Variants in BPTF observed in about 807,000 individuals in gnomAD.
The protein encoded by BPTF is bromodomain PHD finger transcription factor.
In BPTF, 18 loss-of-function variants were observed where a neutral mutation model predicts 292.5. That is an observed-to-expected ratio of 0.06 (90% CI 0.04 to 0.09). The LOEUF is 0.09. Among genes scored for constraint, BPTF ranks in the 10% least tolerant of loss-of-function variants. The pLI, the probability that BPTF is intolerant of heterozygous loss-of-function variation, is 1.00. For missense variants in BPTF, 2,726 were observed against 3,498.7 expected, an observed-to-expected ratio of 0.78 and a Z score of 5.57; for synonymous variants, 1,225 against 1,251.9, an observed-to-expected ratio of 0.98 and a Z score of 0.45.
chr17:67,888,923 G>A (rs938572943), intron 4 of BPTF, among the ~76,000 whole-genome samples: 1 of 152,138 alleles, frequency 6.6e-6, no homozygotes, highest in African/African-American at 2.4e-5. Context: ...GGTTTTTTCT[G>A]ACAGTAGCAC....
At position 67,912,633 on chromosome 17, in the gene BPTF, C is replaced by G. The variant is rs202094354; in HGVS notation, c.4749C>G (p.Thr1583=). 3.1e-6 allele frequency: 5 copies of G among 1,612,972 alleles called. 1 individual carries two copies. Among genetic ancestry groups the G allele is most frequent in the Non-Finnish European group, 4.2e-6 (5 of 1,179,834 alleles). ...TCAATGGAGAATCTAAAAGAAAAAC[C>G]GTCATCACAGAAGTCACCACGATGA... ...ENVNGESKRK[T]VITEVTTMTS... The change falls in exon 11 of 28, where the codon ACC becomes ACG. Residue 1583 remains threonine (T), a synonymous_variant. Coordinates refer to ENST00000306378, the MANE Select transcript of BPTF (RefSeq NM_182641.4).
intron 13 of BPTF, among the ~76,000 whole-genome samples, chr17:67,921,244 G>T (rs1162831969): frequency 6.7e-6 from 1 of 148,184 alleles, no homozygotes; most frequent in Non-Finnish European, 1.5e-5. Flanking sequence ...AAGAAATACA[G>T]GCCAGGCATG....
At chr17:67,956,934 A>G (rs1271732990) in intron 23 of BPTF, 1 of 152,252 alleles carries the variant, frequency 6.6e-6, no homozygotes, top group Non-Finnish European at 1.5e-5. Flanking sequence ...ACTGCACTCC[A>G]GCCTGGGAGA....
chr17:67,844,449 G>A (rs186698303), intron 1 of BPTF, among the ~76,000 whole-genome samples: 123 of 151,340 alleles, frequency 8.1e-4, no homozygotes, highest in African/African-American at 2.7e-3. Flanking sequence ...GGGTTTCACC[G>A]TGTTAGCCAG....
intron 10 of BPTF, among the ~76,000 whole-genome samples, chr17:67,910,218 T>A (rs1216569027): frequency 6.6e-6 from 1 of 152,226 alleles, no homozygotes; most frequent in Non-Finnish European, 1.5e-5. Flanking sequence ...TGTTTCTGAA[T>A]AATACTCTGT....
intron 17 of BPTF, among the ~76,000 whole-genome samples, chr17:67,931,371 G>C (rs768786451): frequency 3.9e-5 from 6 of 152,218 alleles, no homozygotes; most frequent in Non-Finnish European, 8.8e-5. Flanking sequence ...TTCTTGGGAG[G>C]CTGAGGCAGG....
intron 2 of BPTF, among the ~76,000 whole-genome samples, chr17:67,855,990 A>G (rs2058668789): frequency 6.6e-6 from 1 of 152,088 alleles, no homozygotes; most frequent in South Asian, 2.1e-4. Context: ...TTCATCCACG[A>G]GGTATTTTTG....
intron 14 of BPTF, 144 bp from the exon 15 acceptor site, chr17:67,924,403 C>G: frequency 3.5e-6 from 3 of 850,388 alleles, no homozygotes; most frequent in Non-Finnish European, 5.4e-6. Flanking sequence ...GCATGAGCCA[C>G]CTCGCACAAC....
At chr17:67,874,722 A>T in intron 3 of BPTF, 95 bp from the exon 4 acceptor site, 1 of 777,134 alleles carries the variant, frequency 1.3e-6, no homozygotes, top group South Asian at 1.8e-5. Context: ...TTTCCTCTTT[A>T]ATAGCTTGTA....
chr17:67,930,950 G>GTC (rs1411747335), intron 17 of BPTF, among the ~76,000 whole-genome samples: 1 of 150,222 alleles, frequency 6.7e-6, no homozygotes, highest in Non-Finnish European at 1.5e-5. Flanking sequence ...GTGAGACTCT[G>GTC]TCTCAAAAAA....
At chr17:67,915,767 CT>C (rs1394517699) in intron 11 of BPTF, among the ~76,000 whole-genome samples, 1 of 152,172 alleles carries the variant, frequency 6.6e-6, no homozygotes, top group Non-Finnish European at 1.5e-5. Context: ...CTCCCTTGTC[CT>C]TTCCTCTCTT....
At chr17:67,842,001 T>C (rs1429534943) in intron 1 of BPTF, among the ~76,000 whole-genome samples, 2 of 150,554 alleles carry the variant, frequency 1.3e-5, no homozygotes, top group Non-Finnish European at 3.0e-5. Flanking sequence ...ACCTAAACTA[T>C]CTACTTAGAG....
At chr17:67,949,517 G>A (rs1344344948) in intron 23 of BPTF, among the ~76,000 whole-genome samples, 1 of 151,780 alleles carries the variant, frequency 6.6e-6, no homozygotes, top group Admixed American at 6.6e-5. Flanking sequence ...AGAGGTTGCA[G>A]TGAGCTGAGA....
intron 4 of BPTF, chr17:67,886,374 T>TG: frequency 1.6e-6 from 2 of 1,269,910 alleles, no homozygotes; most frequent in East Asian, 2.6e-5. Context: ...TTTTCTTTTT[T>TG]TTGTGTGTGT....
chr17:67,902,158 G>A (rs2061886355), intron 7 of BPTF, among the ~76,000 whole-genome samples: 1 of 152,186 alleles, frequency 6.6e-6, no homozygotes, highest in Non-Finnish European at 1.5e-5. Flanking sequence ...TGTATTTGGT[G>A]ATAAAAGGGA....
chr17:67,861,340 CTTTT>C (rs568176532), intron 2 of BPTF, among the ~76,000 whole-genome samples: 1 of 135,094 alleles, frequency 7.4e-6, no homozygotes. Context: ...AAGATTTTTT[CTTTT>C]TTTTTTTTTT....
intron 4 of BPTF, among the ~76,000 whole-genome samples, chr17:67,881,852 GTTTTTGTTT>G (rs1402992283): frequency 5.2e-5 from 2 of 38,404 alleles, no homozygotes; most frequent in Non-Finnish European, 9.4e-5. Context: ...GGGATTTTGG[GTTTTTGTTT>G]TTTTTTTTTT....
chr17:67,923,910 C>T (rs1195647702), intron 14 of BPTF, among the ~76,000 whole-genome samples: 2 of 151,968 alleles, frequency 1.3e-5, no homozygotes, highest in Admixed American at 6.6e-5. Flanking sequence ...TGCAGTGGCG[C>T]GATCTTGGCT....
chr17:67,930,443 C>T (rs2064280712), intron 17 of BPTF, among the ~76,000 whole-genome samples: 1 of 151,976 alleles, frequency 6.6e-6, no homozygotes, highest in Non-Finnish European at 1.5e-5. Context: ...AGGTGATCCA[C>T]CTGTCTCGGC....
Sources: gnomAD v4.1 joint callset for allele counts (sites outside exome capture counted in the v4.1 genomes callset) on GRCh38, gnomAD v4.1.1 for gene constraint, MANE v1.5 for transcripts, NCBI Gene and HGNC (gene_info 2026-07-23, HGNC 2026-07-21) for gene names.